The following PTPRM variants were observed in gnomAD, a reference collection of about 807,000 sequenced individuals.
PTPRM encodes protein tyrosine phosphatase receptor type M.
A neutral mutation model predicts 186.7 loss-of-function variants in PTPRM; 47 were observed. That is an observed-to-expected ratio of 0.25 (90% CI 0.20 to 0.32). PTPRM has a LOEUF of 0.32. Among genes scored for constraint, PTPRM ranks in the 10% least tolerant of loss-of-function variants. The pLI, the probability that PTPRM is intolerant of heterozygous loss-of-function variation, is 1.00. For missense variants in PTPRM, 1,494 were observed against 1,865.0 expected (o/e 0.80, Z 3.66); for synonymous variants, 668 against 674.9 (o/e 0.99, Z 0.16).
intron 1 of PTPRM, among the ~76,000 whole-genome samples, chr18:7,714,162 A>G (rs1411029640): frequency 6.6e-6 from 1 of 152,210 alleles, no homozygotes; most frequent in African/African-American, 2.4e-5. Context: ...GGAAATCATA[A>G]CAGTCTCTCA....
At chr18:8,207,329 C>T (rs916437073) in intron 14 of PTPRM, among the ~76,000 whole-genome samples, 4 of 152,152 alleles carry the variant, frequency 2.6e-5, no homozygotes, top group Non-Finnish European at 5.9e-5. Context: ...ACATGAGTCT[C>T]AGGTAAATTA....
At chr18:8,279,723 G>T (rs1339446005) in intron 19 of PTPRM, among the ~76,000 whole-genome samples, 1 of 152,172 alleles carries the variant, frequency 6.6e-6, no homozygotes, top group Non-Finnish European at 1.5e-5. Flanking sequence ...AGGATGCTCA[G>T]AGAAGCAGAG....
chr18:8,150,023 G>C (rs774645256), intron 14 of PTPRM, among the ~76,000 whole-genome samples: 2 of 152,194 alleles, frequency 1.3e-5, no homozygotes, highest in Non-Finnish European at 2.9e-5. Context: ...TTTACTGTTA[G>C]TCTGAGGGGC....
chr18:7,676,067 A>G (rs1318745843), intron 1 of PTPRM, among the ~76,000 whole-genome samples: 3 of 152,032 alleles, frequency 2.0e-5, no homozygotes, highest in Non-Finnish European at 4.4e-5. Flanking sequence ...TGTGAAATGG[A>G]TGTATGGGTG....
intron 32 of PTPRM, among the ~76,000 whole-genome samples, chr18:8,402,515 T>C (rs1475600480): frequency 6.6e-6 from 1 of 152,192 alleles, no homozygotes; most frequent in Non-Finnish European, 1.5e-5. Flanking sequence ...AGGAAATATG[T>C]TAAAAGGATG....
chr18:7,751,676 G>A (rs781345955), intron 1 of PTPRM, among the ~76,000 whole-genome samples: 5 of 152,234 alleles, frequency 3.3e-5, no homozygotes, highest in East Asian at 1.9e-4. Flanking sequence ...CTTTACTGAT[G>A]GTGTTGCTAC....
At chr18:8,316,734 G>A (rs2095311436) in intron 21 of PTPRM, among the ~76,000 whole-genome samples, 1 of 152,146 alleles carries the variant, frequency 6.6e-6, no homozygotes, top group Non-Finnish European at 1.5e-5. Context: ...TGTATGTACT[G>A]CAGAGAAAAC....
chr18:7,802,372 C>T (rs890275061), intron 2 of PTPRM, among the ~76,000 whole-genome samples: 1 of 152,046 alleles, frequency 6.6e-6, no homozygotes, highest in South Asian at 2.1e-4. Context: ...AAGTTAAGGG[C>T]AGAGGACGGT....
intron 21 of PTPRM, among the ~76,000 whole-genome samples, chr18:8,317,017 G>A (rs1420862850): frequency 1.3e-5 from 2 of 152,190 alleles, no homozygotes; most frequent in African/African-American, 4.8e-5. Flanking sequence ...GATATGGGGA[G>A]AGGTCATGGG....
intron 2 of PTPRM, among the ~76,000 whole-genome samples, chr18:7,823,059 A>G (rs2045289098): frequency 6.6e-6 from 1 of 152,084 alleles, no homozygotes; most frequent in Admixed American, 6.6e-5. Context: ...CTGGGAGACA[A>G]GAGTCTCCCC....
Position 7,677,715 on chromosome 18 carries a change from C to A in PTPRM, c.74-96434C>A, listed in dbSNP as rs569792999. On this transcript the variant is annotated intron_variant, in intron 1 of 32. Coordinates refer to ENST00000580170, the MANE Select transcript of PTPRM (RefSeq NM_001105244.2). ...GGCATCACGCTCCCCCTCTGGAGCC[C>A]GTTCCTGCTATTTCTCCTGCCTGAA... is the stretch of plus-strand genomic sequence containing the variant. 6.6e-5 allele frequency among the ~76,000 whole-genome samples: 10 copies of A among 152,164 alleles called. No homozygotes were observed. In the Middle Eastern group the frequency reaches 0.014, roughly 207 times the overall value.
At chr18:7,591,939 G>C (rs902022209) in intron 1 of PTPRM, among the ~76,000 whole-genome samples, 2 of 152,120 alleles carry the variant, frequency 1.3e-5, no homozygotes, top group African/African-American at 2.4e-5. Context: ...ACCTCAGGGG[G>C]CTCTCCCTAT....
intron 7 of PTPRM, among the ~76,000 whole-genome samples, chr18:7,994,312 C>T (rs1450005753): frequency 6.6e-6 from 1 of 150,990 alleles, no homozygotes; most frequent in African/African-American, 2.4e-5. Flanking sequence ...CACTGGTGCA[C>T]AAGATATATA....
chr18:8,099,812 CAAG>C (rs1485403613), intron 11 of PTPRM, among the ~76,000 whole-genome samples: 3 of 152,102 alleles, frequency 2.0e-5, no homozygotes, highest in Non-Finnish European at 4.4e-5. Context: ...GGCACAGACA[CAAG>C]AAGACTTGGG....
chr18:8,313,033 AC>A (rs1162078102), intron 20 of PTPRM, among the ~76,000 whole-genome samples: 1 of 152,212 alleles, frequency 6.6e-6, no homozygotes, highest in African/African-American at 2.4e-5. Flanking sequence ...TTTGACTTTC[AC>A]CCATTAGCAT....
chr18:7,588,200 G>A (rs949887159), intron 1 of PTPRM, among the ~76,000 whole-genome samples: 20 of 152,070 alleles, frequency 1.3e-4, no homozygotes, highest in Non-Finnish European at 1.3e-4. Flanking sequence ...CTGAACTCCG[G>A]CATTTGACTT....
chr18:7,714,636 C>T (rs1011538422), intron 1 of PTPRM, among the ~76,000 whole-genome samples: 14 of 151,778 alleles, frequency 9.2e-5, no homozygotes, highest in Non-Finnish European at 1.9e-4. Context: ...ACTAACAAAG[C>T]AGAAAAGAGA....
chr18:8,063,072 C>A (rs1263112581), intron 7 of PTPRM, among the ~76,000 whole-genome samples: 2 of 151,414 alleles, frequency 1.3e-5, no homozygotes, highest in African/African-American at 4.9e-5. Context: ...TGCCGCCTTG[C>A]AGTTTGATCT....
intron 14 of PTPRM, among the ~76,000 whole-genome samples, chr18:8,194,253 A>G (rs1415527876): frequency 1.3e-5 from 2 of 152,178 alleles, no homozygotes; most frequent in East Asian, 1.9e-4. Context: ...TAGCTTGACT[A>G]TTTCAAAAGC....
Sources: gnomAD v4.1 joint callset for allele counts (sites outside exome capture counted in the v4.1 genomes callset) on GRCh38, gnomAD v4.1.1 for gene constraint, MANE v1.5 for transcripts, NCBI Gene and HGNC (gene_info 2026-07-23, HGNC 2026-07-21) for gene names.